PPARGC1A: variants seen among roughly 807,000 people sequenced by gnomAD.
PPARGC1A encodes PPARG coactivator 1 alpha, also known as peroxisome proliferator-activated receptor gamma coactivator 1-alpha.
In PPARGC1A, 25 loss-of-function variants were observed where a neutral mutation model predicts 88.7. That is an observed-to-expected ratio of 0.28 (90% CI 0.21 to 0.39). The LOEUF is 0.39. Among genes scored for constraint, PPARGC1A ranks in the 10% least tolerant of loss-of-function variants. The pLI is 1.00. For missense variants in PPARGC1A, 880 were observed against 968.7 expected, an observed-to-expected ratio of 0.91 and a Z score of 1.22; for synonymous variants, 363 against 355.6, an observed-to-expected ratio of 1.02 and a Z score of -0.24.
At chr4:23,860,315 G>T (rs550305077) in intron 2 of PPARGC1A, among the ~76,000 whole-genome samples, 2 of 117,204 alleles carry the variant, frequency 1.7e-5, no homozygotes, top group African/African-American at 3.2e-5. Context: ...GTTACCAGGG[G>T]TGGGGGGAGG....
chr4:24,014,115 G>A, the PPARGC1A span, among the ~76,000 whole-genome samples: 2 of 152,240 alleles, frequency 1.3e-5, no homozygotes, highest in Admixed American at 6.5e-5. Context: ...TTCAAACCGA[G>A]AGCAACCTAA....
chr4:23,873,210 T>TA (rs1211801479), intron 2 of PPARGC1A, among the ~76,000 whole-genome samples: 2 of 104,742 alleles, frequency 1.9e-5, no homozygotes, highest in African/African-American at 6.7e-5. Flanking sequence ...AAATAAAAAA[T>TA]AAAAAATAAA....
At chr4:24,469,575 A>C in the PPARGC1A span, among the ~76,000 whole-genome samples, 1 of 152,118 alleles carries the variant, frequency 6.6e-6, no homozygotes, top group Non-Finnish European at 1.5e-5. Flanking sequence ...CCACCATACA[A>C]TTTCACTGCA....
rs1226595207 is a variant in PPARGC1A at position 23,813,881 on chromosome 4, G to A, written c.1602C>T (p.Phe534=). 2 of 1,614,002 alleles carry A rather than the reference G, an allele frequency of 1.2e-6. No individual in the cohort carries two copies. The highest frequency in any genetic ancestry group is 1.7e-6 in the Non-Finnish European group (2 of 1,179,934). ...PWDGTQSYSL[F]NVSPSCSSFN... is the part of the protein sequence containing the mutation. ...AAGAAGAACAAGAAGGAGACACATT[G>A]AACAATGAATAGGATTGCGTGCCAT... The change falls in exon 8 of 13, where the codon TTC becomes TTT. Residue 534 remains phenylalanine, a synonymous_variant. Coordinates refer to ENST00000264867, the MANE Select transcript of PPARGC1A (RefSeq NM_013261.5).
chr4:23,997,862 A>G, the PPARGC1A span, among the ~76,000 whole-genome samples: 1 of 152,298 alleles, frequency 6.6e-6, no homozygotes, highest in Middle Eastern at 3.4e-3. Flanking sequence ...TTGAGTTAAT[A>G]TTGAACTTGC....
the PPARGC1A span, among the ~76,000 whole-genome samples, chr4:23,910,248 T>TATATATTATATATAATATATATAAA: frequency 1.9e-5 from 2 of 103,572 alleles, no homozygotes; most frequent in Middle Eastern, 3.7e-3. Context: ...TATATATAAA[T>TATATATTATATATAATATATATAAA]ATATATTATA....
the PPARGC1A span, among the ~76,000 whole-genome samples, chr4:24,207,682 C>G: frequency 6.6e-6 from 1 of 152,160 alleles, no homozygotes; most frequent in African/African-American, 2.4e-5. Flanking sequence ...GATTTACTGA[C>G]GTTTTTGATG....
At chr4:24,168,326 G>C in the PPARGC1A span, among the ~76,000 whole-genome samples, 1 of 152,116 alleles carries the variant, frequency 6.6e-6, no homozygotes, top group Admixed American at 6.5e-5. Context: ...ATGAACAAGG[G>C]TGGGCTAGCA....
At chr4:24,166,663 G>A in the PPARGC1A span, among the ~76,000 whole-genome samples, 2 of 152,142 alleles carry the variant, frequency 1.3e-5, no homozygotes. Context: ...CAGATAATGA[G>A]GGCCCTTAAG....
the PPARGC1A span, among the ~76,000 whole-genome samples, chr4:24,057,212 A>G: frequency 6.6e-6 from 1 of 152,216 alleles, no homozygotes; most frequent in Non-Finnish European, 1.5e-5. Context: ...AACGATAAAT[A>G]TCGTATGATT....
At chr4:23,831,049 AT>A (rs1326557226) in intron 3 of PPARGC1A, among the ~76,000 whole-genome samples, 2 of 152,210 alleles carry the variant, frequency 1.3e-5, no homozygotes, top group African/African-American at 4.8e-5. Context: ...ATAGTGAAAA[AT>A]AGAAGAAAAA....
At chr4:24,141,014 C>T in the PPARGC1A span, among the ~76,000 whole-genome samples, 1 of 152,208 alleles carries the variant, frequency 6.6e-6, no homozygotes, top group African/African-American at 2.4e-5. Context: ...AAGGGACTAA[C>T]AGAAGTTAGG....
At chr4:23,988,452 C>T in the PPARGC1A span, among the ~76,000 whole-genome samples, 2 of 152,030 alleles carry the variant, frequency 1.3e-5, no homozygotes, top group African/African-American at 2.4e-5. Flanking sequence ...ATGTTCTTTC[C>T]TGACTTTTTA....
chr4:24,079,375 A>T, the PPARGC1A span, among the ~76,000 whole-genome samples: 1 of 151,916 alleles, frequency 6.6e-6, no homozygotes, highest in East Asian at 1.9e-4. Flanking sequence ...GACAAATGTG[A>T]CTACATTTTT....
the PPARGC1A span, among the ~76,000 whole-genome samples, chr4:24,274,449 G>A: frequency 7.2e-5 from 11 of 152,286 alleles, no homozygotes; most frequent in South Asian, 2.1e-4. Context: ...GGTCTCCTTC[G>A]TCGCTACTCA....
the PPARGC1A span, among the ~76,000 whole-genome samples, chr4:24,268,118 C>T: frequency 6.6e-6 from 1 of 152,216 alleles, no homozygotes; most frequent in African/African-American, 2.4e-5. Flanking sequence ...TTGACATGTA[C>T]ATGGCATGGA....
chr4:24,192,965 T>G, the PPARGC1A span, among the ~76,000 whole-genome samples: 1 of 152,168 alleles, frequency 6.6e-6, no homozygotes, highest in East Asian at 1.9e-4. Flanking sequence ...AATTTGGACA[T>G]GTAAATTAGA....
At chr4:23,863,892 G>T (rs572376906) in intron 2 of PPARGC1A, among the ~76,000 whole-genome samples, 1 of 152,106 alleles carries the variant, frequency 6.6e-6, no homozygotes, top group Non-Finnish European at 1.5e-5. Flanking sequence ...GATTATGGGC[G>T]CGTGCCATCA....
Position 23,816,004 on chromosome 4 carries a change from T to C in PPARGC1A, c.878-1399A>G, listed in dbSNP as rs3774918. Among the ~76,000 whole-genome samples the C allele has an allele frequency of 2.9e-3, 436 of 152,316 alleles. 14 individuals are homozygous for C. The East Asian group carries it at 0.054, about 19-fold the overall frequency. ...ACAGGAAGATGCTGCCTCACTCTCCTACTTTATAATTAAGAAATGGAAAGA... is the reference window on the plus strand; with the variant it reads ...ACAGGAAGATGCTGCCTCACTCTCCCACTTTATAATTAAGAAATGGAAAGA... On this transcript the variant is annotated intron_variant, in intron 7 of 12. Transcript: ENST00000264867.
Sources: gnomAD v4.1 joint callset for allele counts (sites outside exome capture counted in the v4.1 genomes callset) on GRCh38, gnomAD v4.1.1 for gene constraint, MANE v1.5 for transcripts, NCBI Gene and HGNC (gene_info 2026-07-23, HGNC 2026-07-21) for gene names.